Variants in MGAT4C observed in about 807,000 individuals in gnomAD.
MGAT4C encodes MGAT4 family member C.
Under a neutral mutation model 40.1 loss-of-function variants are expected in MGAT4C, and 19 were observed. That is an observed-to-expected ratio of 0.47 (90% CI 0.33 to 0.70). MGAT4C has a LOEUF of 0.70. MGAT4C is among the 30% of genes least tolerant of loss of function. The pLI, the probability that MGAT4C is intolerant of heterozygous loss-of-function variation, is 0.02. For missense variants in MGAT4C, 491 were observed against 563.2 expected (o/e 0.87, Z 1.30); for synonymous variants, 181 against 187.1 (o/e 0.97, Z 0.27).
At chr12:86,712,474 G>T (rs938128570) in intron 2 of MGAT4C, among the ~76,000 whole-genome samples, 1 of 152,058 alleles carries the variant, frequency 6.6e-6, no homozygotes. Flanking sequence ...AATATGCTGG[G>T]CTGTGTTTTA....
At chr12:86,382,431 G>A (rs1434342706) in intron 3 of MGAT4C, among the ~76,000 whole-genome samples, 5 of 152,204 alleles carry the variant, frequency 3.3e-5, no homozygotes, top group African/African-American at 1.2e-4. Flanking sequence ...TTTTAAAAGG[G>A]AAGCAGAGCA....
chr12:86,368,825 T>G (rs887324993), intron 3 of MGAT4C, among the ~76,000 whole-genome samples: 4 of 152,056 alleles, frequency 2.6e-5, no homozygotes, highest in Admixed American at 2.0e-4. Flanking sequence ...TAAAGAATAT[T>G]CCATGTGCTC....
intron 2 of MGAT4C, among the ~76,000 whole-genome samples, chr12:86,676,886 G>A (rs920243889): frequency 6.6e-6 from 1 of 152,074 alleles, no homozygotes; most frequent in Non-Finnish European, 1.5e-5. Context: ...TGAGATTCAA[G>A]AACAGAACTC....
At chr12:86,217,255 A>C (rs1331568260) in intron 1 of MGAT4C, among the ~76,000 whole-genome samples, 1 of 152,104 alleles carries the variant, frequency 6.6e-6, no homozygotes, top group Non-Finnish European at 1.5e-5. Context: ...GCTCACTGCA[A>C]CTTCAGCCTC....
intron 2 of MGAT4C, among the ~76,000 whole-genome samples, chr12:86,035,413 T>C (rs1891134064): frequency 6.7e-6 from 1 of 150,268 alleles, no homozygotes; most frequent in Admixed American, 6.7e-5. Context: ...CTTCACGCAC[T>C]TTTTGATGGG....
chr12:86,436,137 C>A (rs779982264), intron 2 of MGAT4C, among the ~76,000 whole-genome samples: 1 of 151,780 alleles, frequency 6.6e-6, no homozygotes, highest in Non-Finnish European at 1.5e-5. Flanking sequence ...AGTACCACTA[C>A]GAAAAATATG....
intron 2 of MGAT4C, among the ~76,000 whole-genome samples, chr12:86,467,512 T>C (rs1217996307): frequency 6.6e-6 from 1 of 152,182 alleles, no homozygotes; most frequent in African/African-American, 2.4e-5. Context: ...ATTCTAATTA[T>C]ATACACACAC....
intron 3 of MGAT4C, among the ~76,000 whole-genome samples, chr12:86,364,309 T>A (rs2136205248): frequency 6.6e-6 from 1 of 152,206 alleles, no homozygotes; most frequent in South Asian, 2.1e-4. Flanking sequence ...ATACAAATAT[T>A]TTCAACAAAA....
At chr12:86,680,430 C>T (rs1273834062) in intron 2 of MGAT4C, among the ~76,000 whole-genome samples, 2 of 151,850 alleles carry the variant, frequency 1.3e-5, no homozygotes, top group African/African-American at 2.4e-5. Flanking sequence ...TCCCAGGTCC[C>T]ACATGTATTG....
At chr12:86,571,743 T>C (rs930233610) in intron 2 of MGAT4C, among the ~76,000 whole-genome samples, 1 of 152,094 alleles carries the variant, frequency 6.6e-6, no homozygotes, top group Non-Finnish European at 1.5e-5. Context: ...TGTTTTAATT[T>C]TATCTGAATA....
At position 86,559,066 on chromosome 12, in the gene MGAT4C, T is replaced by C. The variant is rs368520772; in HGVS notation, c.-228-123801A>G. Among the ~76,000 whole-genome samples the C allele has an allele frequency of 2.1e-4, 32 of 151,880 alleles. No homozygotes were observed. The East Asian group carries it at 2.1e-3, about 10-fold the overall frequency. On this transcript the variant is annotated intron_variant, in intron 2 of 7. Transcript: ENST00000548651. The stretch of plus-strand genomic sequence containing the variant: ...TATATTTGTGTCAGACAGAACAGAC[T>C]TTAAGTCAAAAACTGTAGAAAAAAA...
intron 2 of MGAT4C, among the ~76,000 whole-genome samples, chr12:85,992,325 T>C (rs557894624): frequency 3.6e-4 from 55 of 152,274 alleles, no homozygotes; most frequent in Non-Finnish European, 7.4e-4. Context: ...CATGCATATC[T>C]AGCTGTCACA....
chr12:86,390,932 T>C (rs558844531), intron 3 of MGAT4C, among the ~76,000 whole-genome samples: 1 of 152,282 alleles, frequency 6.6e-6, no homozygotes, highest in South Asian at 2.1e-4. Flanking sequence ...ACAACCCGTA[T>C]CCTACTCATG....
At chr12:86,609,037 G>A (rs1207984961) in intron 2 of MGAT4C, among the ~76,000 whole-genome samples, 4 of 152,098 alleles carry the variant, frequency 2.6e-5, no homozygotes, top group African/African-American at 9.7e-5. Flanking sequence ...TGACAAAAAA[G>A]AGCATGCCAA....
intron 2 of MGAT4C, among the ~76,000 whole-genome samples, chr12:86,447,353 G>C (rs920928351): frequency 1.6e-4 from 24 of 152,102 alleles, no homozygotes; most frequent in Admixed American, 1.6e-3. Context: ...TCGAACTACT[G>C]ACCTCAGGTG....
chr12:86,292,215 C>T (rs1327154612), intron 4 of MGAT4C, among the ~76,000 whole-genome samples: 1 of 151,922 alleles, frequency 6.6e-6, no homozygotes, highest in African/African-American at 2.4e-5. Context: ...GTGTTAATAA[C>T]TCTGAATAAT....
intron 2 of MGAT4C, among the ~76,000 whole-genome samples, chr12:86,685,053 G>A (rs1206877090): frequency 6.6e-6 from 1 of 152,042 alleles, no homozygotes; most frequent in Admixed American, 6.5e-5. Context: ...GATCCCATTT[G>A]TCAATTTCGG....
intron 1 of MGAT4C, among the ~76,000 whole-genome samples, chr12:86,082,506 A>G (rs186388087): frequency 9.5e-4 from 145 of 152,288 alleles, no homozygotes; most frequent in Non-Finnish European, 1.6e-3. Context: ...TGTGAGATTT[A>G]TTTAAAAGAG....
At chr12:86,773,268 T>A (rs1180820734) in intron 1 of MGAT4C, among the ~76,000 whole-genome samples, 2 of 151,746 alleles carry the variant, frequency 1.3e-5, no homozygotes, top group Admixed American at 1.3e-4. Flanking sequence ...ATTAGAAGAG[T>A]AAATGTAGAC....
Sources: gnomAD v4.1 joint callset for allele counts (sites outside exome capture counted in the v4.1 genomes callset) on GRCh38, gnomAD v4.1.1 for gene constraint, MANE v1.5 for transcripts, NCBI Gene and HGNC (gene_info 2026-07-23, HGNC 2026-07-21) for gene names.